Variants in SYN3 observed in about 807,000 individuals in gnomAD.
The protein encoded by SYN3 is synapsin-3.
A neutral mutation model predicts 65.8 loss-of-function variants in SYN3; 35 were observed. The ratio of observed to expected loss-of-function variants is 0.53; its 90% confidence interval spans 0.41 to 0.70. SYN3 has a LOEUF of 0.70. SYN3 is among the 30% of genes least tolerant of loss of function. The pLI is 0.00. For missense variants in SYN3, 680 were observed against 749.0 expected, an observed-to-expected ratio of 0.91 and a Z score of 1.08; for synonymous variants, 270 against 292.9, an observed-to-expected ratio of 0.92 and a Z score of 0.80.
intron 7 of SYN3, among the ~76,000 whole-genome samples, chr22:32,587,014 G>A (rs1424090136): frequency 1.3e-5 from 2 of 152,070 alleles, no homozygotes; most frequent in African/African-American, 4.8e-5. Context: ...ACGAGGTCAG[G>A]AGATTAAGAC....
intron 6 of SYN3, among the ~76,000 whole-genome samples, chr22:32,814,107 CGTGTGTGTGTGTGTGTGT>C (rs130279): frequency 3.1e-5 from 3 of 97,674 alleles, no homozygotes; most frequent in African/African-American, 4.3e-5. Flanking sequence ...AGGCAATACT[CGTGTGTGTGTGTGTGTGT>C]GTGTGTGTGT....
At chr22:33,028,667 G>GTGGTGGTGGTGGTGGTGGTGGTGGTGA (rs1569413411) in intron 1 of SYN3, among the ~76,000 whole-genome samples, 3 of 130,458 alleles carry the variant, frequency 2.3e-5, no homozygotes, top group Non-Finnish European at 4.8e-5. Context: ...GGTGGTGGTG[G>GTGGTGGTGGTGGTGGTGGTGGTGGTGA]TGGTGGTGGT....
intron 6 of SYN3, among the ~76,000 whole-genome samples, chr22:32,822,079 T>G (rs1401259527): frequency 7.0e-6 from 1 of 143,236 alleles, no homozygotes; most frequent in Non-Finnish European, 1.5e-5. Context: ...TGCTTGAACC[T>G]GGGAGGCAGA....
At chr22:32,537,181 CAG>C (rs2058179941) in intron 9 of SYN3, among the ~76,000 whole-genome samples, 1 of 150,946 alleles carries the variant, frequency 6.6e-6, no homozygotes, top group East Asian at 2.0e-4. Context: ...TTTTTTTAAA[CAG>C]AGTTTTGCTC....
chr22:32,936,714 T>C (rs1007206590), intron 3 of SYN3, among the ~76,000 whole-genome samples: 1 of 152,192 alleles, frequency 6.6e-6, no homozygotes, highest in Non-Finnish European at 1.5e-5. Flanking sequence ...CAAAATTTCA[T>C]AGTGGGACTG....
At chr22:32,723,818 C>T (rs183959333) in intron 6 of SYN3, among the ~76,000 whole-genome samples, 116 of 152,356 alleles carry the variant, frequency 7.6e-4, no homozygotes, top group Non-Finnish European at 1.4e-3. Context: ...TGCCGGCTGC[C>T]GCCTGGATCC....
chr22:32,877,008 C>T (rs543287515), intron 4 of SYN3, among the ~76,000 whole-genome samples: 2 of 152,290 alleles, frequency 1.3e-5, no homozygotes, highest in South Asian at 2.1e-4. Context: ...AAATAAGTCC[C>T]CTGTACTTGG....
At chr22:32,633,834 A>T (rs144392728) in intron 6 of SYN3, among the ~76,000 whole-genome samples, 3,006 of 151,394 alleles carry the variant, frequency 0.02, 40 homozygotes, top group Non-Finnish European at 0.031. Context: ...CATGTTGCCC[A>T]GGCTGGTCTT....
intron 6 of SYN3, among the ~76,000 whole-genome samples, chr22:32,640,045 A>G (rs1258961600): frequency 6.6e-6 from 1 of 152,166 alleles, no homozygotes; most frequent in African/African-American, 2.4e-5. Flanking sequence ...CCACAAACAC[A>G]CAGGCCACTC....
intron 6 of SYN3, among the ~76,000 whole-genome samples, chr22:32,620,845 G>A (rs770692737): frequency 3.0e-4 from 45 of 151,520 alleles, no homozygotes; most frequent in Non-Finnish European, 4.7e-4. Context: ...TCAGCCTCCC[G>A]AGTAGCTGGG....
intron 6 of SYN3, among the ~76,000 whole-genome samples, chr22:32,659,303 T>C (rs2060184823): frequency 6.6e-6 from 1 of 151,746 alleles, no homozygotes; most frequent in South Asian, 2.1e-4. Flanking sequence ...AGAGGGAAAA[T>C]TGAGAGAGAG....
chr22:32,995,699 T>A (rs935443802), intron 2 of SYN3, among the ~76,000 whole-genome samples: 8 of 152,060 alleles, frequency 5.3e-5, no homozygotes, highest in Admixed American at 2.6e-4. Flanking sequence ...AGTCTCCCTC[T>A]GCCACCAGGC....
At chr22:32,513,862 C>A in intron 13 of SYN3, 38 bp from the exon 14 acceptor site, 1 of 1,611,994 alleles carries the variant, frequency 6.2e-7, no homozygotes, top group Non-Finnish European at 8.5e-7. Flanking sequence ...GAAGACAAGG[C>A]GAAGACTATC....
intron 6 of SYN3, among the ~76,000 whole-genome samples, chr22:32,653,809 A>G (rs1032863487): frequency 6.6e-6 from 1 of 152,236 alleles, no homozygotes; most frequent in Non-Finnish European, 1.5e-5. Flanking sequence ...TAAACTCCAC[A>G]TACAGAGCCT....
intron 9 of SYN3, 35 bp downstream of exon 9, chr22:32,538,001 C>T (rs2058193596): frequency 6.3e-7 from 1 of 1,596,530 alleles, no homozygotes; most frequent in African/African-American, 1.3e-5. Context: ...CCTACTATGG[C>T]CAGTGCCTCT....
intron 4 of SYN3, among the ~76,000 whole-genome samples, chr22:32,875,087 G>A (rs1006754871): frequency 2.0e-5 from 3 of 152,210 alleles, no homozygotes; most frequent in Non-Finnish European, 2.9e-5. Context: ...GATGCTTCCC[G>A]CCAGCCCGAG....
intron 6 of SYN3, among the ~76,000 whole-genome samples, chr22:32,811,620 C>T (rs1405500266): frequency 6.6e-6 from 1 of 152,214 alleles, no homozygotes; most frequent in Non-Finnish European, 1.5e-5. Flanking sequence ...CAACTCTTCA[C>T]ATTTTAGAGT....
intron 1 of SYN3, among the ~76,000 whole-genome samples, chr22:33,056,464 A>C (rs2054255546): frequency 6.6e-6 from 1 of 152,162 alleles, no homozygotes; most frequent in Admixed American, 6.5e-5. Flanking sequence ...CCTAGTCAGG[A>C]ACTGTCCTGC....
chr22:32,997,614 G>T (rs1010408605), intron 2 of SYN3, among the ~76,000 whole-genome samples: 2 of 152,112 alleles, frequency 1.3e-5, no homozygotes, highest in African/African-American at 4.8e-5. Context: ...TCTCTGGATG[G>T]GGGAACAAAA....
Sources: gnomAD v4.1 joint callset for allele counts (sites outside exome capture counted in the v4.1 genomes callset) on GRCh38, gnomAD v4.1.1 for gene constraint, MANE v1.5 for transcripts, NCBI Gene and HGNC (gene_info 2026-07-23, HGNC 2026-07-21) for gene names.